The following DRC8 variants were observed in gnomAD, a reference collection of about 807,000 sequenced individuals.
The protein encoded by DRC8 is dynein regulatory complex subunit 8, also known as dynein regulatory complex protein 8.
the DRC8 span, chr1:245,017,230 T>C: frequency 1.9e-6 from 3 of 1,585,044 alleles, no homozygotes; most frequent in Non-Finnish European, 2.6e-6. Context: ...TTATTTACTT[T>C]GTCTTTTGCA....
the DRC8 span, among the ~76,000 whole-genome samples, chr1:245,112,639 TTAAA>T: frequency 6.6e-6 from 1 of 152,222 alleles, no homozygotes; most frequent in Non-Finnish European, 1.5e-5. Flanking sequence ...TCCAGGGGGA[TTAAA>T]TAAATTCACA....
At chr1:245,003,199 T>G in the DRC8 span, among the ~76,000 whole-genome samples, 2 of 152,192 alleles carry the variant, frequency 1.3e-5, no homozygotes, top group Non-Finnish European at 2.9e-5. Flanking sequence ...TTGATGGACA[T>G]TTGGGCTGTT....
the DRC8 span, among the ~76,000 whole-genome samples, chr1:245,069,521 C>T: frequency 6.6e-6 from 1 of 151,964 alleles, no homozygotes. Flanking sequence ...TTGAGGGTCA[C>T]CTGTAGTTAT....
At chr1:245,002,032 A>G in the DRC8 span, 15 of 1,060,860 alleles carry the variant, frequency 1.4e-5, no homozygotes, top group African/African-American at 4.7e-5. Context: ...TGAAAATACC[A>G]GGGATGATTT....
At chr1:245,033,998 G>A in the DRC8 span, among the ~76,000 whole-genome samples, 1,587 of 152,266 alleles carry the variant, frequency 0.01, 80 homozygotes, top group East Asian at 0.13. Flanking sequence ...TGGGATTACA[G>A]GCATGAGCCA....
the DRC8 span, among the ~76,000 whole-genome samples, chr1:245,108,129 A>C: frequency 6.6e-6 from 1 of 151,864 alleles, no homozygotes; most frequent in Non-Finnish European, 1.5e-5. Flanking sequence ...TCTCCCCGTC[A>C]CCCACCCGTC....
the DRC8 span, among the ~76,000 whole-genome samples, chr1:245,066,839 G>A: frequency 6.6e-6 from 1 of 151,886 alleles, no homozygotes; most frequent in East Asian, 2.0e-4. Context: ...CCCGGGAGGC[G>A]GAGCTTGCAG....
the DRC8 span, among the ~76,000 whole-genome samples, chr1:245,030,383 A>G: frequency 6.6e-6 from 1 of 152,238 alleles, no homozygotes; most frequent in Non-Finnish European, 1.5e-5. Context: ...AGGTGTTATA[A>G]GTAATCCAGA....
chr1:245,111,469 A>G, the DRC8 span, among the ~76,000 whole-genome samples: 2 of 152,358 alleles, frequency 1.3e-5, no homozygotes, highest in East Asian at 1.9e-4. Context: ...TTTACAATGC[A>G]GTTGGTGCAA....
chr1:245,037,663 G>C, the DRC8 span, among the ~76,000 whole-genome samples: 1 of 152,108 alleles, frequency 6.6e-6, no homozygotes, highest in Non-Finnish European at 1.5e-5. Flanking sequence ...AGTATTTGAC[G>C]TTAAATGGTA....
the DRC8 span, among the ~76,000 whole-genome samples, chr1:245,093,642 G>A: frequency 6.7e-6 from 1 of 150,328 alleles, no homozygotes; most frequent in Non-Finnish European, 1.5e-5. Flanking sequence ...GTTGCAGTGA[G>A]CCGAGATGGT....
chr1:244,987,229 C>A, the DRC8 span, among the ~76,000 whole-genome samples: 2 of 149,634 alleles, frequency 1.3e-5, no homozygotes, highest in African/African-American at 2.5e-5. Flanking sequence ...GAGATGGAGT[C>A]TTGCTCTGTC....
At chr1:245,015,297 T>C in the DRC8 span, among the ~76,000 whole-genome samples, 1 of 152,188 alleles carries the variant, frequency 6.6e-6, no homozygotes, top group Non-Finnish European at 1.5e-5. Flanking sequence ...CTTAATTACA[T>C]TATTGTCCTT....
At chr1:245,100,411 T>TAATA in the DRC8 span, among the ~76,000 whole-genome samples, 1 of 151,192 alleles carries the variant, frequency 6.6e-6, no homozygotes, top group Non-Finnish European at 1.5e-5. Flanking sequence ...ATAATAATAA[T>TAATA]AATTGTTTAA....
At chr1:244,994,800 A>T in the DRC8 span, among the ~76,000 whole-genome samples, 1 of 152,164 alleles carries the variant, frequency 6.6e-6, no homozygotes, top group Non-Finnish European at 1.5e-5. Flanking sequence ...CTTTCTAGAG[A>T]TTCTTTGCTA....
At chr1:245,024,589 C>G in the DRC8 span, among the ~76,000 whole-genome samples, 1 of 148,224 alleles carries the variant, frequency 6.7e-6, no homozygotes, top group Admixed American at 6.8e-5. Flanking sequence ...GCTCTGTTGC[C>G]CAGGCTGGAG....
the DRC8 span, among the ~76,000 whole-genome samples, chr1:245,035,126 TG>T: frequency 6.6e-6 from 1 of 152,072 alleles, no homozygotes; most frequent in African/African-American, 2.4e-5. Flanking sequence ...TTGTTATGAT[TG>T]CAATACTCCC....
the DRC8 span, among the ~76,000 whole-genome samples, chr1:245,012,597 T>C: frequency 6.6e-6 from 1 of 152,002 alleles, no homozygotes; most frequent in Non-Finnish European, 1.5e-5. Flanking sequence ...TTCATCACAA[T>C]ATCTACAAAA....
chr1:245,053,080 G>A, the DRC8 span, among the ~76,000 whole-genome samples: 2 of 152,064 alleles, frequency 1.3e-5, no homozygotes, highest in Non-Finnish European at 2.9e-5. Context: ...AGTAGTTTTC[G>A]TGGCTTCTTT....
Sources: gnomAD v4.1 joint callset for allele counts (sites outside exome capture counted in the v4.1 genomes callset) on GRCh38, gnomAD v4.1.1 for gene constraint, MANE v1.5 for transcripts, NCBI Gene and HGNC (gene_info 2026-07-23, HGNC 2026-07-21) for gene names.